The following ROBO2 variants were observed in gnomAD, a reference collection of about 807,000 sequenced individuals.
The protein encoded by ROBO2 is roundabout homolog 2.
In ROBO2, 53 loss-of-function variants were observed where a neutral mutation model predicts 160.8. The ratio of observed to expected loss-of-function variants is 0.33; its 90% CI spans 0.26 to 0.41. ROBO2 has a LOEUF of 0.41. Among genes scored for constraint, ROBO2 ranks in the 10% least tolerant of loss-of-function variants. The pLI is 1.00. For missense variants in ROBO2, 1,577 were observed against 1,722.4 expected (o/e 0.92, Z 1.49); for synonymous variants, 664 against 611.7 (o/e 1.09, Z -1.26).
At position 77,557,996 on chromosome 3, in the gene ROBO2, G is replaced by T. The variant is rs191732065; in HGVS notation, c.1284G>T (p.Thr428=). Residue 428 remains threonine, a synonymous_variant, in exon 9 of 26, where the codon ACG becomes ACT. Transcript: ENST00000461745. ...TTCTACAAGGCCCAGCCAACCAAAC[G>T]CTGGCAGTGGATGGTACAGCGTTAC... is the stretch of plus-strand genomic sequence containing the variant. The T allele has an allele frequency of 3.6e-4, 578 of 1,613,086 alleles. 4 individuals carry two copies. In the East Asian group the frequency reaches 0.012, roughly 35 times the overall value.
At chr3:75,919,783 G>A (rs1369886022) in intron 1 of ROBO2, among the ~76,000 whole-genome samples, 1 of 152,106 alleles carries the variant, frequency 6.6e-6, no homozygotes. Flanking sequence ...ATGTGTCCAG[G>A]AATTTATCCA....
At chr3:75,937,420 A>G (rs1947833351) in intron 1 of ROBO2, 2 of 857,334 alleles carry the variant, frequency 2.3e-6, no homozygotes, top group South Asian at 2.5e-5. Flanking sequence ...TTTGAGTCGT[A>G]GTATATTTCT....
chr3:77,466,883 G>C (rs1298743368), intron 2 of ROBO2, among the ~76,000 whole-genome samples: 1 of 152,142 alleles, frequency 6.6e-6, no homozygotes, highest in Non-Finnish European at 1.5e-5. Flanking sequence ...CAGTTACTTG[G>C]CATTGTAATT....
intron 2 of ROBO2, among the ~76,000 whole-genome samples, chr3:77,454,958 C>A (rs543557112): frequency 6.6e-6 from 1 of 152,170 alleles, no homozygotes; most frequent in Admixed American, 6.5e-5. Flanking sequence ...TCTACCATCT[C>A]CTGGGTGTAT....
intron 1 of ROBO2, among the ~76,000 whole-genome samples, chr3:75,908,625 G>A (rs1946445855): frequency 6.6e-6 from 1 of 151,904 alleles, no homozygotes; most frequent in African/African-American, 2.4e-5. Flanking sequence ...CCAAACAATT[G>A]CACAACTACA....
intron 2 of ROBO2, among the ~76,000 whole-genome samples, chr3:76,473,852 A>G (rs1182581393): frequency 6.6e-6 from 1 of 152,162 alleles, no homozygotes; most frequent in Non-Finnish European, 1.5e-5. Flanking sequence ...AAGTTAGAAC[A>G]AAGTGCAGAT....
At chr3:77,065,247 T>C (rs2066719278) in intron 1 of ROBO2, among the ~76,000 whole-genome samples, 1 of 152,166 alleles carries the variant, frequency 6.6e-6, no homozygotes, top group Non-Finnish European at 1.5e-5. Flanking sequence ...ATAAATCACA[T>C]ATTAAAGAGA....
intron 2 of ROBO2, among the ~76,000 whole-genome samples, chr3:76,934,520 A>T (rs745872696): frequency 6.6e-6 from 1 of 152,156 alleles, no homozygotes; most frequent in African/African-American, 2.4e-5. Context: ...AGAGGGCCGG[A>T]TCACGAGGTC....
intron 2 of ROBO2, among the ~76,000 whole-genome samples, chr3:77,005,188 T>A (rs2061520394): frequency 6.6e-6 from 1 of 152,172 alleles, no homozygotes. Context: ...CTGAAAAGCT[T>A]TTCCTGACTC....
At chr3:76,543,666 G>T (rs1237921607) in intron 2 of ROBO2, among the ~76,000 whole-genome samples, 1 of 151,962 alleles carries the variant, frequency 6.6e-6, no homozygotes, top group Admixed American at 6.6e-5. Context: ...TATTTCATAG[G>T]GTTGTTAGGA....
intron 1 of ROBO2, among the ~76,000 whole-genome samples, chr3:77,081,690 C>T (rs1056551313): frequency 2.0e-5 from 3 of 152,120 alleles, no homozygotes; most frequent in African/African-American, 7.2e-5. Context: ...TTGTAACATT[C>T]TTAGTTTACT....
chr3:77,341,318 A>G (rs1027699480), intron 2 of ROBO2, among the ~76,000 whole-genome samples: 1 of 152,170 alleles, frequency 6.6e-6, no homozygotes, highest in Non-Finnish European at 1.5e-5. Flanking sequence ...TCTTAGTCAC[A>G]AGGGAATCCA....
chr3:76,064,912 A>AT (rs1283879594), intron 2 of ROBO2, among the ~76,000 whole-genome samples: 13 of 152,048 alleles, frequency 8.5e-5, no homozygotes, highest in Admixed American at 2.6e-4. Flanking sequence ...GAAAGGTATG[A>AT]TTTTTTTTCT....
At chr3:77,015,964 T>G (rs1015743729) in intron 2 of ROBO2, among the ~76,000 whole-genome samples, 5 of 152,026 alleles carry the variant, frequency 3.3e-5, no homozygotes, top group African/African-American at 9.7e-5. Context: ...TCTAATATGT[T>G]ATTTTTTTTA....
chr3:77,432,450 A>G lies in ROBO2; in HGVS notation c.389-44964A>G, dbSNP rs535766738. Among the ~76,000 whole-genome samples, 132 of 152,296 alleles carry G rather than the reference A, an allele frequency of 8.7e-4. 1 individual carries two copies. Among genetic ancestry groups the G allele is most frequent in the Non-Finnish European group, 1.8e-3 (122 of 68,014 alleles). On this transcript the variant is annotated intron_variant, in intron 2 of 25. Transcript: ENST00000461745. ...TAGTTACCTCCACACCAGTCTACAAAATCTGATTTAGCAAAGCATCTGAAG... is the reference window on the plus strand; with the variant it reads ...TAGTTACCTCCACACCAGTCTACAAGATCTGATTTAGCAAAGCATCTGAAG...
chr3:76,322,862 CTT>C (rs2107910519), intron 2 of ROBO2, among the ~76,000 whole-genome samples: 1 of 152,228 alleles, frequency 6.6e-6, no homozygotes, highest in South Asian at 2.1e-4. Context: ...ATTAAAATAA[CTT>C]TATGGGGTAG....
intron 2 of ROBO2, among the ~76,000 whole-genome samples, chr3:76,292,001 G>C (rs1208545314): frequency 6.6e-6 from 1 of 152,056 alleles, no homozygotes; most frequent in Non-Finnish European, 1.5e-5. Context: ...GTTGGGTGGA[G>C]TGTTTTATAG....
At chr3:77,124,791 A>G (rs889847406) in intron 2 of ROBO2, among the ~76,000 whole-genome samples, 16 of 152,100 alleles carry the variant, frequency 1.1e-4, no homozygotes, top group African/African-American at 3.9e-4. Context: ...AGTATCCATT[A>G]TAATTTCTTA....
At chr3:76,049,399 A>ATTTTTTTTTTTTTT (rs1204742605) in intron 2 of ROBO2, among the ~76,000 whole-genome samples, 1 of 50,362 alleles carries the variant, frequency 2.0e-5, no homozygotes, top group African/African-American at 1.4e-4. Flanking sequence ...ATATATATAT[A>ATTTTTTTTTTTTTT]TATATTTTTT....
Sources: allele counts gnomAD v4.1 joint callset (sites outside exome capture counted in the v4.1 genomes callset), GRCh38; gene constraint gnomAD v4.1.1; transcripts MANE v1.5; gene names NCBI Gene and HGNC (gene_info 2026-07-23, HGNC 2026-07-21).